The following RNASE10 variants were observed in gnomAD, a reference collection of about 807,000 sequenced individuals.
RNASE10 encodes ribonuclease A family member 10 (inactive).
Under a neutral mutation model 1.1 loss-of-function variants are expected in RNASE10, and 2 were observed. The ratio of observed to expected loss-of-function variants is 1.82; its 90% CI spans 0.74 to 5.73. The LOEUF (loss-of-function observed/expected upper bound fraction) is 5.73. RNASE10 is among the 30% of genes most tolerant of loss of function. RNASE10 has a pLI of 0.05. For synonymous variants in RNASE10, 97 were observed against 96.2 expected (o/e 1.01, Z -0.05); for missense variants, 276 against 263.4 (o/e 1.05, Z -0.33).
downstream of RNASE10, among the ~76,000 whole-genome samples, chr14:20,511,751 CTT>C (rs2139372889): frequency 6.6e-6 from 1 of 152,282 alleles, no homozygotes; most frequent in South Asian, 2.1e-4. Flanking sequence ...GCCCTTTTCT[CTT>C]TCTTCCCACC....
At chr14:20,511,638 G>A (rs997905869), downstream of RNASE10, among the ~76,000 whole-genome samples, 3 of 152,138 alleles carry the variant, frequency 2.0e-5, no homozygotes, top group African/African-American at 7.2e-5. Context: ...AAAAATTTAG[G>A]GCCTAGGTAT....
upstream of RNASE10, among the ~76,000 whole-genome samples, chr14:20,504,271 A>G (rs535322234): frequency 6.6e-6 from 1 of 152,346 alleles, no homozygotes; most frequent in East Asian, 1.9e-4. Flanking sequence ...GGCACTGCTC[A>G]CGAAGAAGGA....
chr14:20,509,290 C>T (rs1882835636), intron 1 of RNASE10, among the ~76,000 whole-genome samples: 1 of 152,252 alleles, frequency 6.6e-6, no homozygotes, highest in South Asian at 2.1e-4. Flanking sequence ...TCAGGTGATC[C>T]ACCTGCCTTG....
At chr14:20,506,412 G>C (rs1402294927) in intron 1 of RNASE10, among the ~76,000 whole-genome samples, 1 of 128,986 alleles carries the variant, frequency 7.8e-6, no homozygotes, top group Non-Finnish European at 1.7e-5. Context: ...CCCTCTGCCC[G>C]GCCAGCCGTC....
At chr14:20,510,337 G>C in intron 1 of RNASE10, 130 bp from the exon 2 acceptor site, 1 of 1,363,048 alleles carries the variant, frequency 7.3e-7, no homozygotes. Flanking sequence ...CCTTGAAGAG[G>C]GTAGAGTAAT....
At chr14:20,506,752 G>A (rs1237429546) in intron 1 of RNASE10, among the ~76,000 whole-genome samples, 8 of 128,126 alleles carry the variant, frequency 6.2e-5, no homozygotes, top group Admixed American at 2.2e-4. Context: ...CGCCCCGTCC[G>A]GGAGGGAGGT....
chr14:20,511,697 T>C (rs989967828), downstream of RNASE10, among the ~76,000 whole-genome samples: 1 of 152,190 alleles, frequency 6.6e-6, no homozygotes, highest in African/African-American at 2.4e-5. Flanking sequence ...AGATAGAAGA[T>C]GGGCTGGAGC....
chr14:20,508,762 T>A (rs1882816378), intron 1 of RNASE10, among the ~76,000 whole-genome samples: 2 of 152,226 alleles, frequency 1.3e-5, no homozygotes, highest in African/African-American at 4.8e-5. Flanking sequence ...ATAATTATTC[T>A]ATTTTATTAG....
rs1426474941 is a variant in RNASE10 at position 20,506,220 on chromosome 14, T to C, written c.79+201T>C. Among the ~76,000 whole-genome samples, 1,190 of 123,272 alleles carry C rather than the reference T, an allele frequency of 9.7e-3. 1 individual carries two copies. The highest frequency in any genetic ancestry group is 0.035 in the African/African-American group (1,108 of 31,870). 80.9% of individuals were successfully genotyped at this position (123,272 alleles called of 152,430 possible). A position where few individuals can be genotyped will look rare whatever the true frequency, so the allele number is the denominator to read the frequency against. Reference sequence around the variant, plus strand: ...GCCCCCCGCCCGGCCAGCCGCCCCGTCCGGGAGGTGAGGGGCTCCTCTGCC... The same window carrying C: ...GCCCCCCGCCCGGCCAGCCGCCCCGCCCGGGAGGTGAGGGGCTCCTCTGCC... On this transcript the variant is annotated intron_variant, in intron 1 of 1. Coordinates refer to ENST00000430083, the Ensembl canonical transcript of RNASE10.
exon 2 of RNASE10, chr14:20,510,593 TCAATGAATTTTGGTC>T (rs1257758821): frequency 1.2e-6 from 2 of 1,614,000 alleles, no homozygotes; most frequent in Non-Finnish European, 1.7e-6. Flanking sequence ...GATCAACCGC[TCAATGAATTTTGGTC>T]CAGTGACTCA....
chr14:20,509,679 G>GT (rs1179668367), intron 1 of RNASE10, among the ~76,000 whole-genome samples: 1 of 152,174 alleles, frequency 6.6e-6, no homozygotes, highest in Non-Finnish European at 1.5e-5. Flanking sequence ...GCAAATTTGG[G>GT]TTAAAAATAA....
exon 2 of RNASE10, chr14:20,510,505 T>A (rs762365741): frequency 6.2e-7 from 1 of 1,612,468 alleles, no homozygotes; most frequent in Middle Eastern, 1.7e-4. Context: ...CTTTTTCATG[T>A]TGCTGATGCT....
At chr14:20,507,869 T>G (rs1882792084) in intron 1 of RNASE10, among the ~76,000 whole-genome samples, 1 of 152,032 alleles carries the variant, frequency 6.6e-6, no homozygotes, top group African/African-American at 2.4e-5. Context: ...CACCTCAGCC[T>G]GCCTGGTAGC....
chr14:20,510,500 T>G, exon 2 of RNASE10: 4 of 1,612,136 alleles, frequency 2.5e-6, no homozygotes, highest in Non-Finnish European at 3.4e-6. Context: ...CAGATCTTTT[T>G]CATGTTGCTG....
At position 20,506,319 on chromosome 14, in the gene RNASE10, G is replaced by A. The variant is rs1409569760; in HGVS notation, c.79+300G>A. On this transcript the variant is annotated intron_variant, in intron 1 of 1. Transcript: ENST00000430083. ...CCCGTCCGGGAGGGAGGTGGGGGGG[G>A]TCAGCCCCCCGCCCGGCCAGCCGCC... Among the ~76,000 whole-genome samples, 5 of 111,914 alleles carry A rather than the reference G, an allele frequency of 4.5e-5. No individual in the cohort carries two copies. The South Asian group carries it at 1.0e-3, about 23-fold the overall frequency. 73.4% of individuals were successfully genotyped at this position (111,914 alleles called of 152,430 possible). A position where few individuals can be genotyped will look rare whatever the true frequency, so the allele number is the denominator to read the frequency against.
chr14:20,513,242 A>G (rs61994227), downstream of RNASE10, among the ~76,000 whole-genome samples: 309 of 151,570 alleles, frequency 2.0e-3, no homozygotes, highest in Non-Finnish European at 3.9e-3. Flanking sequence ...TTTTTTGTTT[A>G]ATCTGACCAC....
At chr14:20,510,360 C>T (rs926312735) in intron 1 of RNASE10, 107 bp from the exon 2 acceptor site, 6 of 1,488,662 alleles carry the variant, frequency 4.0e-6, no homozygotes, top group Non-Finnish European at 4.5e-6. Flanking sequence ...GCAGAAGACA[C>T]AGGAGACCCC....
At chr14:20,512,021 G>C (rs149894717), downstream of RNASE10, among the ~76,000 whole-genome samples, 40 of 152,134 alleles carry the variant, frequency 2.6e-4, no homozygotes, top group African/African-American at 9.2e-4. Flanking sequence ...GAGTTAGAGG[G>C]GGGTGGGTCA....
At chr14:20,512,195 G>A (rs1294014316), downstream of RNASE10, among the ~76,000 whole-genome samples, 2 of 152,152 alleles carry the variant, frequency 1.3e-5, no homozygotes, top group Admixed American at 6.5e-5. Flanking sequence ...CATCGTTTCC[G>A]CTTTATTGCT....
Sources: gnomAD v4.1 joint callset for allele counts (sites outside exome capture counted in the v4.1 genomes callset) on GRCh38, gnomAD v4.1.1 for gene constraint, MANE v1.5 for transcripts, NCBI Gene and HGNC (gene_info 2026-07-23, HGNC 2026-07-21) for gene names.